SCD5: variants seen among roughly 807,000 people sequenced by gnomAD.
SCD5 encodes the protein acyl-CoA-desaturase 4.
SCD5 carries 20 observed loss-of-function variants against 30.4 expected under a neutral mutation model. The ratio of observed to expected loss-of-function variants is 0.66; its 90% confidence interval spans 0.46 to 0.96. The LOEUF is 0.96. Ranked by LOEUF, SCD5 falls within the 40% of genes least tolerant of loss-of-function variation. The pLI is 0.00. For missense variants in SCD5, 381 were observed against 443.3 expected, an observed-to-expected ratio of 0.86 and a Z score of 1.26; for synonymous variants, 173 against 176.4, an observed-to-expected ratio of 0.98 and a Z score of 0.16.
chr4:82,760,726 A>G (rs1721345427), intron 1 of SCD5, among the ~76,000 whole-genome samples: 4 of 152,170 alleles, frequency 2.6e-5, no homozygotes, highest in South Asian at 2.1e-4. Flanking sequence ...CCTGGAAACA[A>G]GGCTGCCCTT....
At chr4:82,697,151 A>T (rs544539092) in intron 2 of SCD5, among the ~76,000 whole-genome samples, 2 of 152,360 alleles carry the variant, frequency 1.3e-5, no homozygotes, top group East Asian at 3.9e-4. Flanking sequence ...CAAAGCTTGA[A>T]AATATGTTTC....
chr4:82,739,523 A>G (rs1255341235), intron 1 of SCD5, among the ~76,000 whole-genome samples: 1 of 152,242 alleles, frequency 6.6e-6, no homozygotes, highest in Non-Finnish European at 1.5e-5. Flanking sequence ...CGTGGCTGGT[A>G]GAGCCACACT....
chr4:82,771,085 GC>G (rs1721611275), intron 1 of SCD5, among the ~76,000 whole-genome samples: 9 of 152,140 alleles, frequency 5.9e-5, no homozygotes, highest in African/African-American at 1.9e-4. Flanking sequence ...TCCCACCTCA[GC>G]CTCCTGAGTA....
At chr4:82,752,440 ACTT>A (rs1404968402) in intron 1 of SCD5, among the ~76,000 whole-genome samples, 5 of 152,236 alleles carry the variant, frequency 3.3e-5, no homozygotes, top group Admixed American at 1.3e-4. Context: ...GCATCATTTT[ACTT>A]CTTCTACTAG....
chr4:82,660,977 G>C (rs1329240173), intron 3 of SCD5: 2 of 1,614,080 alleles, frequency 1.2e-6, no homozygotes. Flanking sequence ...TGTAATCCGG[G>C]AAGGGTGACT....
At chr4:82,771,683 C>T (rs1721626237) in intron 1 of SCD5, among the ~76,000 whole-genome samples, 1 of 152,242 alleles carries the variant, frequency 6.6e-6, no homozygotes, top group Non-Finnish European at 1.5e-5. Context: ...CACCTGCCTC[C>T]TGAATCCCTT....
At chr4:82,701,685 T>C (rs571488072) in intron 2 of SCD5, among the ~76,000 whole-genome samples, 1 of 152,310 alleles carries the variant, frequency 6.6e-6, no homozygotes, top group South Asian at 2.1e-4. Flanking sequence ...CTGTAGAATA[T>C]GAGAATTTAA....
intron 2 of SCD5, among the ~76,000 whole-genome samples, chr4:82,696,918 T>C (rs1417590594): frequency 6.6e-6 from 1 of 152,148 alleles, no homozygotes; most frequent in East Asian, 1.9e-4. Flanking sequence ...TTTGGGAAAA[T>C]AAACAAAATA....
intron 1 of SCD5, among the ~76,000 whole-genome samples, chr4:82,720,304 A>C (rs1289002735): frequency 6.6e-6 from 1 of 151,768 alleles, no homozygotes; most frequent in East Asian, 1.9e-4. Flanking sequence ...GTGGTGATGT[A>C]CGCCTGTAGT....
intron 3 of SCD5, among the ~76,000 whole-genome samples, chr4:82,648,276 A>C (rs977902383): frequency 2.0e-5 from 3 of 152,196 alleles, no homozygotes; most frequent in Admixed American, 6.5e-5. Flanking sequence ...AAACTTCTGG[A>C]TTGCAAACCT....
At chr4:82,632,272 G>A (rs1382931264) in intron 4 of SCD5, among the ~76,000 whole-genome samples, 1 of 149,338 alleles carries the variant, frequency 6.7e-6, no homozygotes, top group African/African-American at 2.5e-5. Context: ...ACCTATGAGT[G>A]AGAACATGCG....
intron 1 of SCD5, among the ~76,000 whole-genome samples, chr4:82,726,562 T>G (rs529430226): frequency 1.3e-5 from 2 of 151,962 alleles, no homozygotes; most frequent in South Asian, 4.2e-4. Flanking sequence ...GCAGCTGTTT[T>G]TTTTTTTTTA....
intron 2 of SCD5, chr4:82,691,734 C>T (rs988589192): frequency 6.6e-6 from 1 of 152,122 alleles, no homozygotes; most frequent in Non-Finnish European, 1.5e-5. Context: ...ACAAATGTTC[C>T]GGATAGAAGC....
chr4:82,709,991 G>C (rs1720049339), intron 1 of SCD5, among the ~76,000 whole-genome samples: 1 of 152,158 alleles, frequency 6.6e-6, no homozygotes, highest in Non-Finnish European at 1.5e-5. Context: ...CTGAGACCCA[G>C]AGACATTAAA....
chr4:82,763,700 G>T (rs58301065), intron 1 of SCD5, among the ~76,000 whole-genome samples: 1,663 of 152,340 alleles, frequency 0.011, 29 homozygotes, highest in Middle Eastern at 0.044. Context: ...GCAAGCCAAG[G>T]AGAGGCTTCC....
At chr4:82,650,117 G>A (rs1399982470) in intron 3 of SCD5, among the ~76,000 whole-genome samples, 1 of 152,148 alleles carries the variant, frequency 6.6e-6, no homozygotes, top group Non-Finnish European at 1.5e-5. Context: ...CTATAAACTA[G>A]GTAGTAGACA....
At chr4:82,706,719 T>C (rs1719978935) in intron 1 of SCD5, among the ~76,000 whole-genome samples, 1 of 152,210 alleles carries the variant, frequency 6.6e-6, no homozygotes, top group African/African-American at 2.4e-5. Context: ...GCCAAGAAAG[T>C]GAGACATGAA....
intron 1 of SCD5, among the ~76,000 whole-genome samples, chr4:82,733,673 CA>C: frequency 6.6e-6 from 1 of 152,086 alleles, no homozygotes; most frequent in Non-Finnish European, 1.5e-5. Context: ...ACAATTTCTC[CA>C]GTAAAAATTC....
intron 3 of SCD5, among the ~76,000 whole-genome samples, chr4:82,664,445 G>C (rs1010823569): frequency 6.6e-5 from 10 of 151,978 alleles, no homozygotes; most frequent in Non-Finnish European, 1.2e-4. Context: ...AAGTGCAAGG[G>C]GGGGGGAACA....
Sources: gnomAD v4.1 joint callset for allele counts (sites outside exome capture counted in the v4.1 genomes callset) on GRCh38, gnomAD v4.1.1 for gene constraint, MANE v1.5 for transcripts, NCBI Gene and HGNC (gene_info 2026-07-23, HGNC 2026-07-21) for gene names.